Variants in NCOA2 observed in about 807,000 individuals in gnomAD.
NCOA2 encodes class E basic helix-loop-helix protein 75.
A neutral mutation model predicts 145.1 loss-of-function variants in NCOA2; 21 were observed. The observed-to-expected ratio is 0.14, with a 90% confidence interval of 0.10 to 0.21. The LOEUF (loss-of-function observed/expected upper bound fraction) is 0.21. Ranked by LOEUF, NCOA2 falls within the 10% of genes least tolerant of loss-of-function variation. NCOA2 has a pLI of 1.00. For synonymous variants in NCOA2, 619 were observed against 637.5 expected (o/e 0.97, Z 0.44); for missense variants, 1,472 against 1,837.6 (o/e 0.80, Z 3.64).
chr8:70,364,927 G>A (rs114624816), intron 1 of NCOA2, among the ~76,000 whole-genome samples: 15 of 151,638 alleles, frequency 9.9e-5, no homozygotes, highest in African/African-American at 3.6e-4. Context: ...GGTTCCAAGT[G>A]TTTCTGCAAG....
intron 4 of NCOA2, among the ~76,000 whole-genome samples, chr8:70,197,653 T>C (rs1289655204): frequency 6.6e-6 from 1 of 152,214 alleles, no homozygotes; most frequent in Non-Finnish European, 1.5e-5. Flanking sequence ...TAAATATAAT[T>C]ATGGCATATT....
intron 2 of NCOA2, among the ~76,000 whole-genome samples, chr8:70,236,880 A>T (rs1821660566): frequency 6.6e-6 from 1 of 152,134 alleles, no homozygotes; most frequent in South Asian, 2.1e-4. Context: ...GGGTTTCTAG[A>T]ACCAATCCCC....
chr8:70,391,346 A>ATTT (rs1813190000), intron 1 of NCOA2, among the ~76,000 whole-genome samples: 2 of 152,242 alleles, frequency 1.3e-5, no homozygotes, highest in Non-Finnish European at 2.9e-5. Flanking sequence ...AGCCTAAAAC[A>ATTT]GAAATCTACT....
At chr8:70,186,164 TA>T in intron 4 of NCOA2, among the ~76,000 whole-genome samples, 1 of 152,260 alleles carries the variant, frequency 6.6e-6, no homozygotes, top group Middle Eastern at 3.4e-3. Flanking sequence ...AAGGATGGTG[TA>T]AAAAGTTTAT....
chr8:70,417,272 G>C, the NCOA2 span, among the ~76,000 whole-genome samples: 1 of 98,258 alleles, frequency 1.0e-5, no homozygotes, highest in Admixed American at 9.0e-5. Flanking sequence ...AAAAAGGCCA[G>C]GCGCAGGGGC....
chr8:70,189,652 CT>C (rs1397729960), intron 4 of NCOA2, among the ~76,000 whole-genome samples: 1 of 152,012 alleles, frequency 6.6e-6, no homozygotes, highest in Non-Finnish European at 1.5e-5. Flanking sequence ...TTTATGTTTT[CT>C]TTTTTAAAAA....
chr8:70,429,273 T>G, the NCOA2 span, among the ~76,000 whole-genome samples: 1 of 152,220 alleles, frequency 6.6e-6, no homozygotes. Flanking sequence ...TCAAGATTGC[T>G]CCTGCTAAAT....
chr8:70,423,284 A>G, the NCOA2 span, among the ~76,000 whole-genome samples: 2 of 152,110 alleles, frequency 1.3e-5, no homozygotes, highest in African/African-American at 4.8e-5. Context: ...CCCAGGTTCA[A>G]GTGATTCTCC....
At chr8:70,306,079 C>T (rs1028411762) in intron 1 of NCOA2, among the ~76,000 whole-genome samples, 2 of 152,126 alleles carry the variant, frequency 1.3e-5, no homozygotes, top group Admixed American at 6.5e-5. Context: ...TGGGATTTTT[C>T]ATTTTACTAG....
chr8:70,298,554 T>G (rs553278886), intron 1 of NCOA2, among the ~76,000 whole-genome samples: 1 of 152,344 alleles, frequency 6.6e-6, no homozygotes, highest in East Asian at 1.9e-4. Flanking sequence ...CTGGGATAAA[T>G]GTATTCATTA....
chr8:70,163,578 C>G lies in NCOA2; in HGVS notation c.731-12G>C. On this transcript the variant is annotated splice_polypyrimidine_tract_variant and intron_variant, in intron 7 of 22. Coordinates refer to ENST00000452400, the MANE Select transcript of NCOA2 (RefSeq NM_006540.4). Reference sequence around the variant, plus strand: ...GCAGGACTGCAAATCTTAAACCACACATGTTTACATTTATCATATTGGGCT... The same window carrying G: ...GCAGGACTGCAAATCTTAAACCACAGATGTTTACATTTATCATATTGGGCT... 1 of 1,603,290 alleles carries G rather than the reference C, an allele frequency of 6.2e-7. No individual in the cohort carries two copies.
chr8:70,265,668 G>GAC (rs918858688), intron 2 of NCOA2, among the ~76,000 whole-genome samples: 7 of 152,112 alleles, frequency 4.6e-5, no homozygotes, highest in Non-Finnish European at 1.0e-4. Context: ...TGATGTCAGA[G>GAC]ACACTCAGTC....
chr8:70,423,578 T>C, the NCOA2 span, among the ~76,000 whole-genome samples: 4 of 152,290 alleles, frequency 2.6e-5, no homozygotes, highest in South Asian at 6.2e-4. Flanking sequence ...CTTGGTGATA[T>C]AAATTGTAAT....
upstream of NCOA2, among the ~76,000 whole-genome samples, chr8:70,406,170 G>T (rs564460683): frequency 4.1e-4 from 62 of 152,332 alleles, 1 homozygote; most frequent in African/African-American, 1.4e-3. Flanking sequence ...AATGTATGAT[G>T]TTTGTTGTTT....
chr8:70,449,580 A>G, the NCOA2 span, among the ~76,000 whole-genome samples: 1 of 152,362 alleles, frequency 6.6e-6, no homozygotes, highest in East Asian at 1.9e-4. Context: ...AAAAGGAGCC[A>G]GGTGAACCAA....
chr8:70,370,411 C>T (rs1354375255), intron 1 of NCOA2, among the ~76,000 whole-genome samples: 3 of 152,154 alleles, frequency 2.0e-5, no homozygotes, highest in Non-Finnish European at 4.4e-5. Context: ...AAAAAACTTA[C>T]TTTTTCTTGA....
chr8:70,297,845 G>A (rs1586410143), intron 1 of NCOA2, among the ~76,000 whole-genome samples: 1 of 152,324 alleles, frequency 6.6e-6, no homozygotes, highest in East Asian at 1.9e-4. Flanking sequence ...CACCAATTAA[G>A]TTTGTTCCCA....
chr8:70,401,654 T>G lies in NCOA2; in HGVS notation c.-77+2046A>C, dbSNP rs571558622. ...GTGAAGCCATTATGAACAATGATGC[T>G]TTCTACTACCAATAATCAGTTGACG... On this transcript the variant is annotated intron_variant, in intron 1 of 22. Transcript: ENST00000452400. Among the ~76,000 whole-genome samples the G allele has an allele frequency of 9.8e-5, 15 of 152,306 alleles. No individual in the cohort carries two copies. In the South Asian group the frequency reaches 3.1e-3, roughly 32 times the overall value.
intron 1 of NCOA2, among the ~76,000 whole-genome samples, chr8:70,397,853 C>A (rs1813835332): frequency 6.6e-6 from 1 of 152,166 alleles, no homozygotes; most frequent in African/African-American, 2.4e-5. Flanking sequence ...AGGGAAAAGA[C>A]AACCCAAACC....
Sources: allele counts gnomAD v4.1 joint callset (sites outside exome capture counted in the v4.1 genomes callset), GRCh38; gene constraint gnomAD v4.1.1; transcripts MANE v1.5; gene names NCBI Gene and HGNC (gene_info 2026-07-23, HGNC 2026-07-21).